Variants in EYS observed in about 807,000 individuals in gnomAD.
EYS encodes EGF-like photoreceptor maintenance factor.
EYS carries 250 observed loss-of-function variants against 282.1 expected under a neutral mutation model. The ratio of observed to expected loss-of-function variants is 0.89; its 90% CI spans 0.80 to 0.98. The LOEUF (loss-of-function observed/expected upper bound fraction) is 0.98. EYS is among the 50% of genes least tolerant of loss of function. The pLI, the probability that EYS is intolerant of heterozygous loss-of-function variation, is 0.00. For missense variants in EYS, 4,016 were observed against 3,709.0 expected (o/e 1.08, Z -2.15); for synonymous variants, 1,355 against 1,282.9 (o/e 1.06, Z -1.20).
At chr6:64,302,897 C>T (rs138855933) in intron 30 of EYS, among the ~76,000 whole-genome samples, 1 of 152,194 alleles carries the variant, frequency 6.6e-6, no homozygotes, top group East Asian at 1.9e-4. Flanking sequence ...AGAGGATATG[C>T]TTGTTTTCAC....
At chr6:64,824,976 CATT>C in intron 19 of EYS, among the ~76,000 whole-genome samples, 1 of 151,814 alleles carries the variant, frequency 6.6e-6, no homozygotes, top group Admixed American at 6.6e-5. Context: ...TCATTTTTAA[CATT>C]ATAGTCCTTC....
chr6:64,566,845 C>T (rs549016935), intron 26 of EYS, among the ~76,000 whole-genome samples: 2 of 152,218 alleles, frequency 1.3e-5, no homozygotes, highest in African/African-American at 4.8e-5. Context: ...ATGATTTTGG[C>T]TCGCTGAAAC....
chr6:63,831,169 A>G (rs1771625863), intron 36 of EYS, among the ~76,000 whole-genome samples: 1 of 152,224 alleles, frequency 6.6e-6, no homozygotes, highest in Admixed American at 6.5e-5. Flanking sequence ...TAATGGGCAA[A>G]ATAACCAGCT....
At chr6:64,114,020 C>G (rs1041321761) in intron 31 of EYS, among the ~76,000 whole-genome samples, 5 of 152,174 alleles carry the variant, frequency 3.3e-5, no homozygotes, top group Middle Eastern at 6.8e-3. Flanking sequence ...CCTGCTAAAC[C>G]TAAAATAATT....
intron 16 of EYS, among the ~76,000 whole-genome samples, chr6:64,908,335 G>GT (rs1259288761): frequency 6.6e-6 from 1 of 152,118 alleles, no homozygotes; most frequent in African/African-American, 2.4e-5. Context: ...CCAGGTGAGG[G>GT]TGCCTGTGAC....
intron 12 of EYS, among the ~76,000 whole-genome samples, chr6:65,066,416 G>A (rs1283290322): frequency 6.6e-6 from 1 of 152,092 alleles, no homozygotes; most frequent in East Asian, 1.9e-4. Flanking sequence ...ATTCTCAGGT[G>A]AAATAACAAT....
chr6:65,565,412 C>T (rs890921283), intron 2 of EYS, among the ~76,000 whole-genome samples: 1 of 151,922 alleles, frequency 6.6e-6, no homozygotes, highest in Non-Finnish European at 1.5e-5. Context: ...CATCTTACGC[C>T]AGTTAGAATG....
Position 65,443,391 on chromosome 6 carries a change from C to T in EYS, c.863-38024G>A, listed in dbSNP as rs559987742. On this transcript the variant is annotated intron_variant, in intron 5 of 42. Coordinates refer to ENST00000503581, the MANE Select transcript of EYS (RefSeq NM_001142800.2). ...GTATGTACACATATAGACATATATG[C>T]ATACATGTATGTACACATATAGCCA... 9.9e-5 allele frequency among the ~76,000 whole-genome samples: 10 copies of T among 101,102 alleles called. 1 individual carries two copies. The highest frequency in any genetic ancestry group is 9.0e-4 in the South Asian group (2 of 2,230). The allele number at this position is 101,102 out of a possible 152,430, so 66.3% of individuals were successfully genotyped here. A position where few individuals can be genotyped will look rare whatever the true frequency, so the allele number is the denominator to read the frequency against.
At chr6:64,143,531 C>T (rs1774411887) in intron 31 of EYS, among the ~76,000 whole-genome samples, 1 of 152,084 alleles carries the variant, frequency 6.6e-6, no homozygotes, top group African/African-American at 2.4e-5. Flanking sequence ...ATACATGGCT[C>T]AGATTCTGGG....
In EYS at chr6:64,889,079, T is replaced by A. The variant is rs9363293; in HGVS notation, c.2847-2237A>T. ...TATTGAATACTAGAAAATTATTTGG[T>A]GATATCTTGCTTTTTCAGTGATTTA... On this transcript the variant is annotated intron_variant, in intron 18 of 42. Coordinates refer to ENST00000503581, the MANE Select transcript of EYS (RefSeq NM_001142800.2). Among the ~76,000 whole-genome samples the A allele has an allele frequency of 4.6e-5, 7 of 152,010 alleles. 1 individual carries two copies. Among genetic ancestry groups the A allele is most frequent in the African/African-American group, 1.7e-4 (7 of 41,504 alleles).
At chr6:64,009,209 G>GAACTGGTC (rs980543492) in intron 33 of EYS, among the ~76,000 whole-genome samples, 1 of 150,970 alleles carries the variant, frequency 6.6e-6, no homozygotes, top group African/African-American at 2.4e-5. Context: ...TTATTTTGAA[G>GAACTGGTC]AACTGGTCTT....
At chr6:65,447,492 C>G (rs1046271452) in intron 5 of EYS, among the ~76,000 whole-genome samples, 3 of 151,198 alleles carry the variant, frequency 2.0e-5, no homozygotes, top group African/African-American at 7.3e-5. Context: ...AGAGCACTTT[C>G]CCAGATCAAA....
At chr6:65,147,925 A>C (rs1200452249) in intron 12 of EYS, among the ~76,000 whole-genome samples, 2 of 152,034 alleles carry the variant, frequency 1.3e-5, no homozygotes, top group Non-Finnish European at 2.9e-5. Context: ...TTGGAAAACT[A>C]TCAGATCTCC....
At chr6:65,218,799 A>T (rs1181560019) in intron 12 of EYS, among the ~76,000 whole-genome samples, 4 of 152,106 alleles carry the variant, frequency 2.6e-5, no homozygotes, top group Non-Finnish European at 5.9e-5. Flanking sequence ...TCTAGCCTAG[A>T]ATGGAGAAAA....
chr6:64,887,948 A>G (rs535513236), intron 18 of EYS, among the ~76,000 whole-genome samples: 2,607 of 152,212 alleles, frequency 0.017, 74 homozygotes, highest in African/African-American at 0.059. Context: ...AATATGAATG[A>G]AAACATGCAG....
chr6:64,649,381 G>C lies in EYS; in HGVS notation c.3444-23136C>G, dbSNP rs546704769. Among the ~76,000 whole-genome samples, 11 of 151,160 alleles carry C rather than the reference G, an allele frequency of 7.3e-5. 2 individuals carry two copies. The highest frequency in any genetic ancestry group is 2.7e-4 in the African/African-American group (11 of 41,140). ...AGATGTAGTCTTGCTCTGTCACCCA[G>C]GCTGGGGTGCAGTGCCACGATCTCA... On this transcript the variant is annotated intron_variant, in intron 22 of 42. Coordinates refer to ENST00000503581, the MANE Select transcript of EYS (RefSeq NM_001142800.2).
At chr6:64,950,356 C>G (rs1377911615) in intron 14 of EYS, among the ~76,000 whole-genome samples, 1 of 151,882 alleles carries the variant, frequency 6.6e-6, no homozygotes, top group Non-Finnish European at 1.5e-5. Context: ...AAAAACTACT[C>G]AAATTATTTT....
chr6:63,767,154 C>T (rs1164902768), intron 40 of EYS, among the ~76,000 whole-genome samples: 1 of 152,026 alleles, frequency 6.6e-6, no homozygotes, highest in Admixed American at 6.6e-5. Context: ...TCGAACCATT[C>T]CCCTTGAGAA....
At chr6:65,693,281 G>T (rs528482958) in intron 1 of EYS, among the ~76,000 whole-genome samples, 1 of 147,624 alleles carries the variant, frequency 6.8e-6, no homozygotes, top group African/African-American at 2.5e-5. Context: ...ATTCTACAAT[G>T]AATTTATGCT....
Sources: allele counts gnomAD v4.1 joint callset (sites outside exome capture counted in the v4.1 genomes callset), GRCh38; gene constraint gnomAD v4.1.1; transcripts MANE v1.5; gene names NCBI Gene and HGNC (gene_info 2026-07-23, HGNC 2026-07-21).